FMO3: variants seen among roughly 807,000 people sequenced by gnomAD.
The protein encoded by FMO3 is flavin-containing monooxygenase 3.
In FMO3, 40 loss-of-function variants were observed where a neutral mutation model predicts 39.4. The observed-to-expected ratio is 1.02, with a 90% CI of 0.79 to 1.32. The LOEUF is 1.32. Ranked by LOEUF, FMO3 falls within the 40% of genes most tolerant of loss-of-function variation. The pLI is 0.00. For synonymous variants in FMO3, 219 were observed against 228.8 expected (o/e 0.96, Z 0.39); for missense variants, 680 against 651.8 (o/e 1.04, Z -0.47).
intron 2 of FMO3, among the ~76,000 whole-genome samples, chr1:171,096,692 A>C (rs1414340360): frequency 2.1e-5 from 2 of 95,442 alleles, no homozygotes; most frequent in East Asian, 2.3e-4. Context: ...AAATATAATT[A>C]ATATAATTAT....
chr1:171,114,742 T>C (rs74854600), intron 7 of FMO3, among the ~76,000 whole-genome samples: 1,963 of 152,326 alleles, frequency 0.013, 18 homozygotes, highest in Middle Eastern at 0.041. Flanking sequence ...TAAGAAAATA[T>C]GTTTACGAGC....
intron 3 of FMO3, among the ~76,000 whole-genome samples, chr1:171,107,420 T>G (rs1655691934): frequency 6.6e-6 from 1 of 152,198 alleles, no homozygotes; most frequent in African/African-American, 2.4e-5. Context: ...AAATTATAAT[T>G]GAATTCACTG....
At chr1:171,093,556 T>A (rs1031595749) in intron 2 of FMO3, among the ~76,000 whole-genome samples, 1 of 151,846 alleles carries the variant, frequency 6.6e-6, no homozygotes, top group Non-Finnish European at 1.5e-5. Flanking sequence ...TATATGTATG[T>A]ATATACCACA....
At chr1:171,095,932 A>AACATATAATATAATATATATAATTATT (rs1256227439) in intron 2 of FMO3, among the ~76,000 whole-genome samples, 1 of 88,714 alleles carries the variant, frequency 1.1e-5, no homozygotes, top group African/African-American at 4.6e-5. Flanking sequence ...ATATAATTAT[A>AACATATAATATAATATATATAATTATT]TATAATATAT....
intron 2 of FMO3, among the ~76,000 whole-genome samples, chr1:171,097,819 G>T (rs1655176943): frequency 6.6e-6 from 1 of 151,944 alleles, no homozygotes; most frequent in Admixed American, 6.6e-5. Flanking sequence ...GTCAATTTTG[G>T]CTTTTGTTGC....
intron 6 of FMO3, among the ~76,000 whole-genome samples, chr1:171,111,409 C>T (rs1655902804): frequency 6.6e-6 from 1 of 152,184 alleles, no homozygotes; most frequent in Non-Finnish European, 1.5e-5. Flanking sequence ...TACTAAGGTC[C>T]CACAGCCAGG....
In FMO3 at chr1:171,103,976, A is replaced by G; in HGVS notation, c.321+3A>G. ...TCCTGAAGTACATACAATTTAAGGT[A>G]AGATGTTATCAACAATTTAGCTCTT... On this transcript the variant is annotated splice_donor_region_variant and intron_variant, in intron 3 of 8. Transcript: ENST00000367755. 1 of 1,602,576 alleles carries G rather than the reference A, an allele frequency of 6.2e-7. No individual in the cohort carries two copies. The highest frequency in any genetic ancestry group is 8.5e-7 in the Non-Finnish European group (1 of 1,169,796).
chr1:171,102,213 A>G (rs1454241719), intron 2 of FMO3, among the ~76,000 whole-genome samples: 2 of 152,182 alleles, frequency 1.3e-5, no homozygotes, highest in African/African-American at 4.8e-5. Context: ...ATATTCCAAT[A>G]TTATACTAAA....
At chr1:171,116,086 G>C in intron 7 of FMO3, 122 bp from the exon 8 acceptor site, 2 of 687,740 alleles carry the variant, frequency 2.9e-6, no homozygotes, top group African/African-American at 1.8e-5. Flanking sequence ...ACTGAATTTG[G>C]TGTCTGTCTG....
At chr1:171,108,599 C>A (rs1175431802) in intron 5 of FMO3, among the ~76,000 whole-genome samples, 1 of 152,132 alleles carries the variant, frequency 6.6e-6, no homozygotes, top group African/African-American at 2.4e-5. Flanking sequence ...ATAGAACCTA[C>A]TTCTGGGCTT....
chr1:171,108,133 G>T lies in FMO3; in HGVS notation c.539G>T (p.Gly180Val), dbSNP rs75904274. The T allele has an allele frequency of 0.016, 25,233 of 1,613,814 alleles. 210 individuals are homozygous for T. Among genetic ancestry groups the T allele is most frequent in the Middle Eastern group, 0.02 (122 of 6,056 alleles). Residue 180 changes from glycine to valine, a missense_variant, in exon 5 of 9, where the codon GGT becomes GTT. Coordinates refer to ENST00000367755, the MANE Select transcript of FMO3 (RefSeq NM_001002294.3). ...CACAGCAGGGACTATAAAGAACCAG[G>T]TGTATTCAATGGAAAGCGTGTCCTG... Reference protein sequence around the residue: ...CFHSRDYKEPGVFNGKRVLVV... With the variant: ...CFHSRDYKEPVVFNGKRVLVV...
Position 171,103,806 on chromosome 1 carries a change from GCTAGCATT to G in FMO3, c.155_162del (p.Ala52ValfsTer23), listed in dbSNP as rs1217049526. ...ACAGGACCATGCAGAGGAGGGCAGG[GCTAGCATT>G]TACAAATCAGTCTTTTCCAACTCTT... is the stretch of plus-strand genomic sequence containing the variant. On this transcript the variant is annotated frameshift_variant, in exon 3 of 9. Transcript: ENST00000367755. LOFTEE classifies it high-confidence loss of function. 4 of 1,613,544 alleles carry G rather than the reference GCTAGCATT, an allele frequency of 2.5e-6. No individual in the cohort carries two copies. In the African/African-American group the frequency reaches 5.3e-5, roughly 22 times the overall value.
At position 171,103,874 on chromosome 1, in the gene FMO3, T is replaced by TC. The variant is rs755554412; in HGVS notation, c.225dup (p.Asp76ArgfsTer2). 2 of 1,613,868 alleles carry TC rather than the reference T, an allele frequency of 1.2e-6. No homozygotes were observed. On this transcript the variant is annotated frameshift_variant, in exon 3 of 9. Coordinates refer to ENST00000367755, the MANE Select transcript of FMO3 (RefSeq NM_001002294.3). LOFTEE classifies it high-confidence loss of function. ...TGATGTGTTTCCCAGACTTCCCATT[T>TC]CCCGATGACTTCCCCAACTTTATGC...
At chr1:171,096,265 TATATA>T (rs1478534574) in intron 2 of FMO3, among the ~76,000 whole-genome samples, 1 of 65,926 alleles carries the variant, frequency 1.5e-5, no homozygotes, top group African/African-American at 7.1e-5. Flanking sequence ...TAATTTTATA[TATATA>T]AATATTATAT....
intron 5 of FMO3, among the ~76,000 whole-genome samples, chr1:171,108,424 T>A (rs1655750240): frequency 6.6e-6 from 1 of 151,988 alleles, no homozygotes; most frequent in Non-Finnish European, 1.5e-5. Flanking sequence ...CAGCAAGGAG[T>A]AACTGTCATT....
At chr1:171,114,560 A>G (rs185565199) in intron 7 of FMO3, among the ~76,000 whole-genome samples, 198 bp downstream of exon 7, 1 of 152,326 alleles carries the variant, frequency 6.6e-6, no homozygotes, top group Admixed American at 6.5e-5. Context: ...ACTACAAGAT[A>G]TTATTAGAGG....
At chr1:171,112,351 T>C (rs1655949218) in intron 6 of FMO3, among the ~76,000 whole-genome samples, 1 of 152,110 alleles carries the variant, frequency 6.6e-6, no homozygotes, top group Non-Finnish European at 1.5e-5. Context: ...CATCATTCAA[T>C]GTAAGGGTAG....
At chr1:171,095,507 A>G (rs1202062179) in intron 2 of FMO3, among the ~76,000 whole-genome samples, 4 of 151,740 alleles carry the variant, frequency 2.6e-5, no homozygotes, top group Non-Finnish European at 5.9e-5. Context: ...AAATTTAGGA[A>G]GATTAATGAC....
At chr1:171,102,351 T>C (rs894278123) in intron 2 of FMO3, among the ~76,000 whole-genome samples, 22 of 152,206 alleles carry the variant, frequency 1.4e-4, no homozygotes, top group African/African-American at 5.3e-4. Context: ...TCTTTCATCA[T>C]GAAACTTGAG....
Sources: gnomAD v4.1 joint callset for allele counts (sites outside exome capture counted in the v4.1 genomes callset) on GRCh38, gnomAD v4.1.1 for gene constraint, MANE v1.5 for transcripts, NCBI Gene and HGNC (gene_info 2026-07-23, HGNC 2026-07-21) for gene names.